Variants in ATP2B2 observed in about 807,000 individuals in gnomAD.
ATP2B2 encodes the protein ATPase plasma membrane Ca2+ transporting 2, also known as plasma membrane calcium-transporting ATPase 2.
A neutral mutation model predicts 120.0 loss-of-function variants in ATP2B2; 15 were observed. That is an observed-to-expected ratio of 0.12 (90% CI 0.08 to 0.19). The LOEUF is 0.19. ATP2B2 is among the 10% of genes least tolerant of loss of function. The pLI is 1.00. For synonymous variants in ATP2B2, 694 were observed against 700.3 expected, an observed-to-expected ratio of 0.99 and a Z score of 0.14; for missense variants, 1,045 against 1,719.8, an observed-to-expected ratio of 0.61 and a Z score of 6.94.
intron 1 of ATP2B2, among the ~76,000 whole-genome samples, chr3:10,479,474 C>T (rs147836519): frequency 2.5e-4 from 38 of 152,062 alleles, no homozygotes; most frequent in South Asian, 1.5e-3. Flanking sequence ...GATTTACTTA[C>T]GAAATCACAC....
chr3:10,638,103 T>C (rs918502363), intron 1 of ATP2B2, among the ~76,000 whole-genome samples: 1 of 152,140 alleles, frequency 6.6e-6, no homozygotes, highest in Non-Finnish European at 1.5e-5. Flanking sequence ...CTGAAAGAAT[T>C]CATCACCAAC....
intron 1 of ATP2B2, among the ~76,000 whole-genome samples, chr3:10,450,458 C>T (rs947319146): frequency 6.6e-6 from 1 of 152,150 alleles, no homozygotes. Flanking sequence ...CCACCTGTGT[C>T]CACCAATACA....
At chr3:10,519,468 CAG>C (rs1354770856) in intron 3 of ATP2B2, among the ~76,000 whole-genome samples, 1 of 152,182 alleles carries the variant, frequency 6.6e-6, no homozygotes, top group Non-Finnish European at 1.5e-5. Context: ...CCCAGCTTTA[CAG>C]AGAGGTATGC....
At position 10,530,094 on chromosome 3, in the gene ATP2B2, A is replaced by G. The variant is rs79503639; in HGVS notation, c.-320+3945T>C. On this transcript the variant is annotated intron_variant, in intron 3 of 21. Transcript: ENST00000646379. ...TGTGTCACGGCAGCCCTCACAAACT[A>G]ATACAGATGACAGACTCTCTTTTCG... Among the ~76,000 whole-genome samples, 653 of 152,318 alleles carry G rather than the reference A, an allele frequency of 4.3e-3. 3 individuals carry two copies. The highest frequency in any genetic ancestry group is 0.015 in the African/African-American group (621 of 41,570).
At chr3:10,387,851 G>T in intron 6 of ATP2B2, 1 of 265,906 alleles carries the variant, frequency 3.8e-6, no homozygotes, top group Non-Finnish European at 7.4e-6. Flanking sequence ...TGTCTTGGAT[G>T]AATCTATGCT....
intron 1 of ATP2B2, among the ~76,000 whole-genome samples, chr3:10,478,585 T>A (rs1163345619): frequency 6.6e-6 from 1 of 152,188 alleles, no homozygotes; most frequent in East Asian, 1.9e-4. Context: ...CCCCTGGGAT[T>A]TGCTGTTGCC....
intron 1 of ATP2B2, among the ~76,000 whole-genome samples, chr3:10,657,627 A>C (rs1278727375): frequency 1.3e-5 from 2 of 152,226 alleles, no homozygotes; most frequent in Non-Finnish European, 2.9e-5. Context: ...AGCCCACCGC[A>C]GCTCAAGGAG....
At chr3:10,487,029 C>T (rs893487633) in intron 1 of ATP2B2, among the ~76,000 whole-genome samples, 3 of 152,174 alleles carry the variant, frequency 2.0e-5, no homozygotes, top group African/African-American at 7.2e-5. Context: ...CGCCCAGCCC[C>T]AGCCAGAATT....
In ATP2B2 at chr3:10,380,944, T is replaced by C. The variant is rs4377477; in HGVS notation, c.1001-1660A>G. Among the ~76,000 whole-genome samples the C allele has an allele frequency of 8.9e-3, 1,355 of 152,240 alleles. 22 individuals carry two copies. Among genetic ancestry groups the C allele is most frequent in the African/African-American group, 0.031 (1,293 of 41,528 alleles). On this transcript the variant is annotated intron_variant, in intron 8 of 22. Coordinates refer to ENST00000360273, the MANE Select transcript of ATP2B2 (RefSeq NM_001001331.4). ...CAGTCTTCCCAGTATCCCTGCAAGG[T>C]GGGGCAGGAGGGATTTTCATCACTC...
At chr3:10,435,569 A>T (rs1025345975) in intron 2 of ATP2B2, among the ~76,000 whole-genome samples, 1 of 152,048 alleles carries the variant, frequency 6.6e-6, no homozygotes, top group African/African-American at 2.4e-5. Context: ...ATTTGTGAAG[A>T]CTCTGCCCTA....
chr3:10,676,742 T>C (rs1680229735), intron 1 of ATP2B2, among the ~76,000 whole-genome samples: 2 of 152,234 alleles, frequency 1.3e-5, no homozygotes, highest in South Asian at 2.1e-4. Context: ...AACCTACTTA[T>C]GAGGCAGTTC....
chr3:10,677,136 A>T (rs1267673417), intron 1 of ATP2B2, among the ~76,000 whole-genome samples: 1 of 152,218 alleles, frequency 6.6e-6, no homozygotes, highest in Non-Finnish European at 1.5e-5. Flanking sequence ...CTCTATTAAT[A>T]ATTGCCAAAA....
upstream of ATP2B2, among the ~76,000 whole-genome samples, chr3:10,507,663 C>T (rs2066673070): frequency 6.6e-6 from 1 of 152,220 alleles, no homozygotes; most frequent in South Asian, 2.1e-4. Context: ...CGAGAAGCAG[C>T]CTGTTATGAG....
chr3:10,375,510 T>C lies in ATP2B2; in HGVS notation c.1336A>G (p.Ile446Val), dbSNP rs758218985. 6 of 1,613,580 alleles carry C rather than the reference T, an allele frequency of 3.7e-6. No homozygotes were observed. The highest frequency in any genetic ancestry group is 5.1e-6 in the Non-Finnish European group (6 of 1,179,974). Reference protein sequence around the residue: ...YVQYFVKFFIIGVTVLVVAVP... With the variant: ...YVQYFVKFFIVGVTVLVVAVP... Reference sequence around the variant, plus strand: ...GCGACCACCAGCACCGTCACGCCAATGATGAAGAACTTGACAAAGTACTGC... The same window carrying C: ...GCGACCACCAGCACCGTCACGCCAACGATGAAGAACTTGACAAAGTACTGC... The change falls in exon 11 of 23, where the codon ATT becomes GTT. Residue 446 changes from isoleucine to valine, a missense_variant. Transcript: ENST00000360273. The surrounding 1 kb of genome is among the most constrained non-coding windows in gnomAD (Gnocchi z 4.2).
At chr3:10,650,681 T>C (rs1291513285) in intron 1 of ATP2B2, among the ~76,000 whole-genome samples, 1 of 152,218 alleles carries the variant, frequency 6.6e-6, no homozygotes, top group African/African-American at 2.4e-5. Flanking sequence ...AAGATGGTTT[T>C]GTGGGCTTGC....
At chr3:10,535,537 C>T (rs533895872) in intron 2 of ATP2B2, among the ~76,000 whole-genome samples, 1 of 152,318 alleles carries the variant, frequency 6.6e-6, no homozygotes, top group South Asian at 2.1e-4. Flanking sequence ...TGCCCCTCAT[C>T]CCTAACCCCT....
At chr3:10,369,336 C>T (rs1361828835) in intron 12 of ATP2B2, among the ~76,000 whole-genome samples, 1 of 152,160 alleles carries the variant, frequency 6.6e-6, no homozygotes, top group African/African-American at 2.4e-5. Flanking sequence ...ACATGGCTGG[C>T]AGGCCCTGGC....
chr3:10,405,213 G>A (rs2062368262), intron 3 of ATP2B2, among the ~76,000 whole-genome samples: 1 of 152,158 alleles, frequency 6.6e-6, no homozygotes, highest in Non-Finnish European at 1.5e-5. Flanking sequence ...CTTTTCATGA[G>A]CTTTTTTCCT....
intron 1 of ATP2B2, among the ~76,000 whole-genome samples, chr3:10,494,077 C>A (rs904369864): frequency 6.6e-6 from 1 of 152,148 alleles, no homozygotes; most frequent in Non-Finnish European, 1.5e-5. Flanking sequence ...AGGCTTTATC[C>A]ACTTGGCAAC....
Sources: gnomAD v4.1 joint callset for allele counts (sites outside exome capture counted in the v4.1 genomes callset) on GRCh38, gnomAD v4.1.1 for gene constraint, Gnocchi (gnomAD v3.1) non-coding constraint, MANE v1.5 for transcripts, NCBI Gene and HGNC (gene_info 2026-07-23, HGNC 2026-07-21) for gene names.